PLCL2: variants seen among roughly 807,000 people sequenced by gnomAD.
PLCL2 encodes the protein inactive phospholipase C-like protein 2.
Under a neutral mutation model 79.6 loss-of-function variants are expected in PLCL2, and 4 were observed. The observed-to-expected ratio is 0.05, with a 90% confidence interval of 0.02 to 0.11. The LOEUF (loss-of-function observed/expected upper bound fraction) is 0.11, where lower values mean the gene tolerates loss of function less well. Among genes scored for constraint, PLCL2 ranks in the 10% least tolerant of loss-of-function variants. The probability of loss-of-function intolerance (pLI) is 1.00; values close to 1 mark genes in which losing one functional copy is unlikely to be tolerated. For synonymous variants in PLCL2, 484 were observed against 457.7 expected, an observed-to-expected ratio of 1.06 and a Z score of -0.73; for missense variants, 895 against 1,291.0, an observed-to-expected ratio of 0.69 and a Z score of 4.70.
intron 1 of PLCL2, among the ~76,000 whole-genome samples, chr3:16,944,234 A>G (rs2124953160): frequency 6.6e-6 from 1 of 152,354 alleles, no homozygotes; most frequent in Middle Eastern, 3.4e-3. Context: ...ATGATGCCTT[A>G]CATACATACT....
chr3:16,964,483 G>C (rs907565052), intron 1 of PLCL2, among the ~76,000 whole-genome samples: 2 of 152,098 alleles, frequency 1.3e-5, no homozygotes, highest in Non-Finnish European at 2.9e-5. Context: ...ATAAAAATAC[G>C]TGTGCATGTG....
At chr3:16,959,465 CT>C (rs1022592205) in intron 1 of PLCL2, among the ~76,000 whole-genome samples, 4 of 152,130 alleles carry the variant, frequency 2.6e-5, no homozygotes, top group African/African-American at 9.7e-5. Context: ...TTCCTTGTGG[CT>C]TTTATCGCAT....
chr3:17,058,014 G>GT (rs1314944992), intron 4 of PLCL2, among the ~76,000 whole-genome samples: 3 of 152,354 alleles, frequency 2.0e-5, no homozygotes, highest in African/African-American at 7.2e-5. Flanking sequence ...ACTCATAAGT[G>GT]TAAGTGCAGC....
chr3:17,020,621 TGAGGAATCCATTTCCCCAGTA>T (rs1182763398), intron 3 of PLCL2, among the ~76,000 whole-genome samples: 1 of 152,176 alleles, frequency 6.6e-6, no homozygotes, highest in Non-Finnish European at 1.5e-5. Context: ...AAGCATACTC[TGAGGAATCCATTTCCCCAGTA>T]GAAAATAGTA....
chr3:16,948,824 A>G (rs560443186), intron 1 of PLCL2, among the ~76,000 whole-genome samples: 1 of 152,342 alleles, frequency 6.6e-6, no homozygotes, highest in African/African-American at 2.4e-5. Flanking sequence ...GAATTTTTAT[A>G]TAAAACCTGA....
At position 17,014,783 on chromosome 3, in the gene PLCL2, T is replaced by A. The variant is rs1157642959; in HGVS notation, c.2890T>A (p.Ser964Thr). 3.1e-6 allele frequency: 5 copies of A among 1,614,128 alleles called. No homozygotes were observed. Among genetic ancestry groups the A allele is most frequent in the Non-Finnish European group, 4.2e-6 (5 of 1,179,976 alleles). The change falls in exon 3 of 6, where the codon TCT (serine) becomes ACT (threonine). Residue 964 changes from serine (S) to threonine (T), a missense_variant. Ser to Thr is a moderately conservative substitution (Grantham distance 58, BLOSUM62 1). Transcript: ENST00000615277. ...TCTCATGCAGTGCATGTTGGCGGTGTCTCCCCGCTTTCTGGGGCCCGATAA... is the reference window on the plus strand; with the variant it reads ...TCTCATGCAGTGCATGTTGGCGGTGACTCCCCGCTTTCTGGGGCCCGATAA... Reference protein sequence around the residue: ...ANLMQCMLAVSPRFLGPDNTP... With the variant: ...ANLMQCMLAVTPRFLGPDNTP...
intron 3 of PLCL2, among the ~76,000 whole-genome samples, chr3:17,034,986 A>G (rs2064628876): frequency 6.6e-6 from 1 of 152,124 alleles, no homozygotes; most frequent in African/African-American, 2.4e-5. Context: ...CCACTCTTGC[A>G]CCTGTCATAC....
chr3:16,962,017 C>G (rs2063759678), intron 1 of PLCL2, among the ~76,000 whole-genome samples: 1 of 152,108 alleles, frequency 6.6e-6, no homozygotes, highest in Non-Finnish European at 1.5e-5. Context: ...GACTGATGAG[C>G]AAGCTGAATG....
intron 1 of PLCL2, among the ~76,000 whole-genome samples, chr3:17,003,803 G>C (rs774792454): frequency 2.0e-5 from 3 of 152,064 alleles, no homozygotes; most frequent in Non-Finnish European, 2.9e-5. Flanking sequence ...TACCCCCTGG[G>C]GCAATGGATC....
At chr3:16,976,062 A>G (rs1024565404) in intron 1 of PLCL2, among the ~76,000 whole-genome samples, 3 of 152,076 alleles carry the variant, frequency 2.0e-5, no homozygotes, top group Non-Finnish European at 4.4e-5. Context: ...TCTGAGAAGA[A>G]GTGGGCAAGG....
intron 3 of PLCL2, among the ~76,000 whole-genome samples, chr3:17,034,258 T>C (rs2064618211): frequency 6.6e-6 from 1 of 152,156 alleles, no homozygotes; most frequent in African/African-American, 2.4e-5. Flanking sequence ...TGTGTGAGTG[T>C]GCCCTGCGAT....
intron 1 of PLCL2, among the ~76,000 whole-genome samples, chr3:17,005,126 GGGAACAAATGAGGCTTGAAAGACA>G (rs1158464198): frequency 1.3e-5 from 2 of 152,052 alleles, no homozygotes; most frequent in Non-Finnish European, 2.9e-5. Context: ...AACAGAAAAT[GGGAACAAATGAGGCTTGAAAGACA>G]GGAGTCTTTC....
chr3:16,926,024 T>C (rs1419396818), intron 1 of PLCL2, among the ~76,000 whole-genome samples: 3 of 152,250 alleles, frequency 2.0e-5, no homozygotes, highest in African/African-American at 7.2e-5. Context: ...GTGGGCCATA[T>C]TGACTTATAC....
At chr3:16,924,658 A>G (rs988784588) in intron 1 of PLCL2, among the ~76,000 whole-genome samples, 7 of 152,138 alleles carry the variant, frequency 4.6e-5, no homozygotes, top group African/African-American at 1.7e-4. Context: ...TCTCTGTTGG[A>G]CTATACCAGT....
rs981844556 is a variant in PLCL2 at position 17,086,977 on chromosome 3, C to T, written c.3205-2756C>T. Among the ~76,000 whole-genome samples the T allele has an allele frequency of 2.6e-5, 4 of 152,278 alleles. No individual in the cohort carries two copies. In the South Asian group the frequency reaches 6.2e-4, roughly 24 times the overall value. On this transcript the variant is annotated intron_variant, in intron 5 of 5. Transcript: ENST00000615277. ...ACCAATACACATCTATTACAGTAGC[C>T]AAAATACAAAACTAACATCACCAAA...
intron 3 of PLCL2, among the ~76,000 whole-genome samples, chr3:17,024,403 T>C (rs2064491354): frequency 6.6e-6 from 1 of 152,214 alleles, no homozygotes; most frequent in Admixed American, 6.5e-5. Flanking sequence ...ATCAAGATTT[T>C]TTATTTACTG....
chr3:16,960,349 C>T (rs1027830042), intron 1 of PLCL2, among the ~76,000 whole-genome samples: 3 of 152,322 alleles, frequency 2.0e-5, no homozygotes, highest in Admixed American at 6.5e-5. Flanking sequence ...GGCCTTCTGC[C>T]TGTTAACTCC....
At chr3:17,024,268 T>C (rs1575592338) in intron 3 of PLCL2, among the ~76,000 whole-genome samples, 1 of 152,122 alleles carries the variant, frequency 6.6e-6, no homozygotes, top group East Asian at 1.9e-4. Flanking sequence ...TTGAGATTGA[T>C]GAAGAATTTG....
At chr3:17,036,836 A>G (rs1173895661) in intron 3 of PLCL2, among the ~76,000 whole-genome samples, 1 of 152,230 alleles carries the variant, frequency 6.6e-6, no homozygotes, top group Non-Finnish European at 1.5e-5. Flanking sequence ...ATCAAGGCTC[A>G]GTATCTGGTG....
Sources: allele counts gnomAD v4.1 joint callset (sites outside exome capture counted in the v4.1 genomes callset), GRCh38; gene constraint gnomAD v4.1.1; transcripts MANE v1.5; gene names NCBI Gene and HGNC (gene_info 2026-07-23, HGNC 2026-07-21).